Variants in SGCZ observed in about 807,000 individuals in gnomAD.
The protein encoded by SGCZ is sarcoglycan zeta.
Under a neutral mutation model 41.3 loss-of-function variants are expected in SGCZ, and 40 were observed. That is an observed-to-expected ratio of 0.97 (90% CI 0.75 to 1.26). The LOEUF (loss-of-function observed/expected upper bound fraction) is 1.26, where lower values mean the gene tolerates loss of function less well. SGCZ is among the 50% of genes most tolerant of loss of function. The pLI, the probability that SGCZ is intolerant of heterozygous loss-of-function variation, is 0.00. For synonymous variants in SGCZ, 206 were observed against 137.5 expected (o/e 1.50, Z -3.49); for missense variants, 552 against 369.8 (o/e 1.49, Z -4.04).
At chr8:14,182,439 C>A (rs78644511) in intron 4 of SGCZ, among the ~76,000 whole-genome samples, 66 of 152,122 alleles carry the variant, frequency 4.3e-4, no homozygotes, top group African/African-American at 1.6e-3. Context: ...CAGGAGGCAG[C>A]GAGGATCTCC....
chr8:14,118,870 G>A (rs535418852), intron 5 of SGCZ, among the ~76,000 whole-genome samples: 1 of 152,196 alleles, frequency 6.6e-6, no homozygotes, highest in South Asian at 2.1e-4. Flanking sequence ...TCAGATGGTT[G>A]TGGATGTGTG....
intron 1 of SGCZ, among the ~76,000 whole-genome samples, chr8:14,983,187 T>C (rs1186479576): frequency 8.3e-5 from 3 of 36,170 alleles, no homozygotes; most frequent in Non-Finnish European, 1.2e-4. Context: ...TTTTTTTTCT[T>C]TTTTCTTTTT....
At chr8:14,614,578 C>G (rs1316735265) in intron 1 of SGCZ, among the ~76,000 whole-genome samples, 2 of 152,022 alleles carry the variant, frequency 1.3e-5, no homozygotes, top group East Asian at 3.9e-4. Flanking sequence ...TAGCTTGAAC[C>G]ATCAAAATTC....
chr8:14,336,108 C>T (rs1802496797), intron 2 of SGCZ, among the ~76,000 whole-genome samples: 1 of 151,938 alleles, frequency 6.6e-6, no homozygotes, highest in Non-Finnish European at 1.5e-5. Flanking sequence ...TATTGTTTCC[C>T]CCATGTGTCC....
At chr8:14,418,615 A>G (rs561607299) in intron 2 of SGCZ, among the ~76,000 whole-genome samples, 39 of 152,080 alleles carry the variant, frequency 2.6e-4, no homozygotes, top group Admixed American at 1.4e-3. Flanking sequence ...TCTGCTAACT[A>G]TCAATTAATT....
At chr8:15,026,205 G>A (rs1384178420) in intron 1 of SGCZ, among the ~76,000 whole-genome samples, 4 of 151,582 alleles carry the variant, frequency 2.6e-5, no homozygotes, top group Admixed American at 2.6e-4. Flanking sequence ...CAAAGATGAA[G>A]AAAATTCTCA....
At chr8:14,446,943 A>G (rs1800450485) in intron 2 of SGCZ, among the ~76,000 whole-genome samples, 1 of 152,240 alleles carries the variant, frequency 6.6e-6, no homozygotes, top group Admixed American at 6.5e-5. Context: ...TAGTTTCAAT[A>G]TATTTTACCA....
intron 1 of SGCZ, among the ~76,000 whole-genome samples, chr8:14,580,520 G>A (rs1448140601): frequency 6.6e-6 from 1 of 152,060 alleles, no homozygotes; most frequent in African/African-American, 2.4e-5. Context: ...GATAGTGTTA[G>A]TATAAATATA....
chr8:15,157,272 C>T (rs1023480875), intron 1 of SGCZ, among the ~76,000 whole-genome samples: 1 of 152,048 alleles, frequency 6.6e-6, no homozygotes, highest in Non-Finnish European at 1.5e-5. Flanking sequence ...GTGGCTCATG[C>T]CTGTGATCCC....
intron 1 of SGCZ, among the ~76,000 whole-genome samples, chr8:14,696,819 A>G (rs962841626): frequency 4.6e-5 from 7 of 151,806 alleles, no homozygotes; most frequent in Non-Finnish European, 7.4e-5. Flanking sequence ...TAAAGTCCAG[A>G]AGGCAAGCAG....
chr8:14,349,481 T>G (rs1424564664), intron 2 of SGCZ, among the ~76,000 whole-genome samples: 1 of 129,932 alleles, frequency 7.7e-6, no homozygotes, highest in African/African-American at 3.4e-5. Flanking sequence ...ATTCTTGCCA[T>G]GGAATTTTCG....
chr8:14,421,696 T>A (rs1426826746), intron 2 of SGCZ, among the ~76,000 whole-genome samples: 1 of 152,142 alleles, frequency 6.6e-6, no homozygotes, highest in Non-Finnish European at 1.5e-5. Context: ...ACAAGCCCTA[T>A]CTTGTGTAAT....
chr8:14,637,625 G>A (rs1163430636), intron 1 of SGCZ, among the ~76,000 whole-genome samples: 3 of 151,580 alleles, frequency 2.0e-5, no homozygotes, highest in Non-Finnish European at 2.9e-5. Flanking sequence ...ATCCAGCTGC[G>A]TCCATGGTGC....
chr8:14,164,343 CT>C (rs1193432053), intron 5 of SGCZ, among the ~76,000 whole-genome samples: 1 of 152,080 alleles, frequency 6.6e-6, no homozygotes, highest in African/African-American at 2.4e-5. Flanking sequence ...TTTCTTCCCC[CT>C]GCCTCCACCT....
chr8:14,816,018 A>T (rs1801892859), intron 1 of SGCZ, among the ~76,000 whole-genome samples: 1 of 152,242 alleles, frequency 6.6e-6, no homozygotes, highest in East Asian at 1.9e-4. Flanking sequence ...AAAAAATAAA[A>T]TGAGGCCAGT....
At chr8:14,479,445 C>T (rs921485708) in intron 2 of SGCZ, among the ~76,000 whole-genome samples, 1 of 152,100 alleles carries the variant, frequency 6.6e-6, no homozygotes, top group African/African-American at 2.4e-5. Flanking sequence ...TTGGGTCTCC[C>T]AGTTCACTGA....
At chr8:14,539,199 C>G (rs1260612064) in intron 2 of SGCZ, among the ~76,000 whole-genome samples, 1 of 152,022 alleles carries the variant, frequency 6.6e-6, no homozygotes, top group Non-Finnish European at 1.5e-5. Context: ...CGTATCTTCC[C>G]TGGGCCTCCC....
At position 14,818,065 on chromosome 8, in the gene SGCZ, C is replaced by T. The variant is rs138660540; in HGVS notation, c.40-263139G>A. 2.8e-4 allele frequency among the ~76,000 whole-genome samples: 42 copies of T among 152,282 alleles called. 3 individuals carry two copies. The East Asian group carries it at 7.6e-3, about 27-fold the overall frequency. Reference sequence around the variant, plus strand: ...GACAGAGTGCCATGAAGCCATCCGGCCCTTCTGTGCCCAGCCCACCCACAC... The same window carrying T: ...GACAGAGTGCCATGAAGCCATCCGGTCCTTCTGTGCCCAGCCCACCCACAC... On this transcript the variant is annotated intron_variant, in intron 1 of 7. Transcript: ENST00000382080.
At chr8:14,203,473 T>C (rs564732284) in intron 4 of SGCZ, among the ~76,000 whole-genome samples, 284 of 152,324 alleles carry the variant, frequency 1.9e-3, no homozygotes, top group Non-Finnish European at 3.6e-3. Context: ...ATATAAGATT[T>C]ATAATCTCTC....
Sources: gnomAD v4.1 joint callset for allele counts (sites outside exome capture counted in the v4.1 genomes callset) on GRCh38, gnomAD v4.1.1 for gene constraint, MANE v1.5 for transcripts, NCBI Gene and HGNC (gene_info 2026-07-23, HGNC 2026-07-21) for gene names.